The following PPCS variants were observed in gnomAD, a reference collection of about 807,000 sequenced individuals.
PPCS encodes the protein phosphopantothenate--cysteine ligase.
A neutral mutation model predicts 24.6 loss-of-function variants in PPCS; 17 were observed. The observed-to-expected ratio is 0.69, with a 90% CI of 0.47 to 1.04. The LOEUF (loss-of-function observed/expected upper bound fraction) is 1.04. PPCS is among the 50% of genes least tolerant of loss of function. The pLI, the probability that PPCS is intolerant of heterozygous loss-of-function variation, is 0.00. For synonymous variants in PPCS, 190 were observed against 168.3 expected, an observed-to-expected ratio of 1.13 and a Z score of -1.00; for missense variants, 360 against 402.8, an observed-to-expected ratio of 0.89 and a Z score of 0.91.
Position 42,460,779 on chromosome 1 carries a change from ATC to A in PPCS, c.*859_*860del, listed in dbSNP as rs895527755. Among the ~76,000 whole-genome samples the A allele has an allele frequency of 7.9e-5, 12 of 152,346 alleles. No homozygotes were observed. Among genetic ancestry groups the A allele is most frequent in the East Asian group, 3.9e-4 (2 of 5,194 alleles). On this transcript the variant is annotated 3_prime_UTR_variant, in exon 3 of 3. Transcript: ENST00000372561. ...TGTCCACATGCATAAAATGAGGATA[ATC>A]TCTCTGCAAAGTAATGCCATTTATT...
At chr1:42,462,957 G>C (rs950170247), downstream of PPCS, among the ~76,000 whole-genome samples, 1 of 152,220 alleles carries the variant, frequency 6.6e-6, no homozygotes, top group African/African-American at 2.4e-5. Context: ...GAAGGAACTT[G>C]TAGAAAAATA....
chr1:42,472,569 G>A (rs1297864885), intron 2 of PPCS, among the ~76,000 whole-genome samples: 1 of 151,700 alleles, frequency 6.6e-6, no homozygotes, highest in Non-Finnish European at 1.5e-5. Flanking sequence ...AGACTTCTTT[G>A]GACTTTAAAA....
At chr1:42,469,343 T>C (rs1213910700) in intron 2 of PPCS, among the ~76,000 whole-genome samples, 1 of 152,136 alleles carries the variant, frequency 6.6e-6, no homozygotes, top group South Asian at 2.1e-4. Context: ...GGATATGGCA[T>C]TTTGAGTTCA....
At chr1:42,465,370 T>A (rs1643539891), downstream of PPCS, among the ~76,000 whole-genome samples, 1 of 151,698 alleles carries the variant, frequency 6.6e-6, no homozygotes, top group Non-Finnish European at 1.5e-5. Flanking sequence ...TTTGTTTTGT[T>A]TTGTTTTGTT....
At chr1:42,470,167 G>A (rs1643721881) in intron 2 of PPCS, among the ~76,000 whole-genome samples, 1 of 152,192 alleles carries the variant, frequency 6.6e-6, no homozygotes, top group Non-Finnish European at 1.5e-5. Flanking sequence ...GGGCAAACAA[G>A]TGAAGCCAAA....
chr1:42,470,632 AT>A (rs1354182265), intron 2 of PPCS, among the ~76,000 whole-genome samples: 5 of 152,374 alleles, frequency 3.3e-5, no homozygotes, highest in African/African-American at 1.2e-4. Flanking sequence ...TCAATCTTAA[AT>A]GAAATTATGA....
chr1:42,464,578 T>G (rs1237059289), downstream of PPCS, among the ~76,000 whole-genome samples: 2 of 152,190 alleles, frequency 1.3e-5, no homozygotes. Flanking sequence ...AAATAAATAT[T>G]TTTGGCAAGG....
chr1:42,460,416 T>C lies in PPCS; in HGVS notation c.*490T>C. ...CCAAAAGCTGACACAATGGAAAGGA[T>C]GTTTTGTTTTGTTTGAAATTTATCA... is the stretch of plus-strand genomic sequence containing the variant. On this transcript the variant is annotated 3_prime_UTR_variant, in exon 3 of 3. Transcript: ENST00000372561. 1 of 983,250 alleles carries C rather than the reference T, an allele frequency of 1.0e-6. No homozygotes were observed. Among genetic ancestry groups the C allele is most frequent in the Non-Finnish European group, 1.2e-6 (1 of 827,546 alleles). The allele number at this position is 983,250 out of a possible 1,614,324, so 60.9% of individuals were successfully genotyped here.
chr1:42,456,791 G>T lies in PPCS; in HGVS notation c.226G>T (p.Ala76Ser), dbSNP rs1285404338. 6.2e-7 allele frequency: 1 copy of T among 1,613,092 alleles called. No homozygotes were observed. Among genetic ancestry groups the T allele is most frequent in the South Asian group, 1.1e-5 (1 of 91,064 alleles). ...AACCTCGGCCGAGGCCTTCCTAGCC[G>T]CCGGCTACGGGGTCCTGTTCTTGTA... ...GATSAEAFLA[A>S]GYGVLFLYRA... Residue 76 changes from alanine to serine, a missense_variant, in exon 1 of 3, where the codon GCC becomes TCC. By Grantham distance (99) the Ala-to-Ser change is moderately conservative (BLOSUM62 1). Coordinates refer to ENST00000372561, the MANE Select transcript of PPCS (RefSeq NM_024664.4).
intron 2 of PPCS, among the ~76,000 whole-genome samples, chr1:42,458,847 A>T (rs758254702): frequency 6.6e-6 from 1 of 152,230 alleles, no homozygotes; most frequent in Non-Finnish European, 1.5e-5. Context: ...CTCACTGCTA[A>T]GTTGTGTTAC....
In PPCS at chr1:42,460,133, TA is replaced by T; in HGVS notation, c.*209del. 7.6e-7 allele frequency: 1 copy of T among 1,308,036 alleles called. No individual in the cohort carries two copies. Among genetic ancestry groups the T allele is most frequent in the Non-Finnish European group, 9.7e-7 (1 of 1,031,592 alleles). 81.0% of individuals were successfully genotyped at this position (1,308,036 alleles called of 1,614,324 possible). A position where few individuals can be genotyped will look rare whatever the true frequency, so the allele number is the denominator to read the frequency against. ...TTTTGAAATTGAACACTAGAACTGT[TA>T]ATCACCTTTAAAAAGAAGAGCTTAT... On this transcript the variant is annotated 3_prime_UTR_variant, in exon 3 of 3. Coordinates refer to ENST00000372561, the MANE Select transcript of PPCS (RefSeq NM_024664.4).
chr1:42,460,233 T>G lies in PPCS; in HGVS notation c.*307T>G, dbSNP rs1643374032. 1 of 1,059,378 alleles carries G rather than the reference T, an allele frequency of 9.4e-7. No homozygotes were observed. The highest frequency in any genetic ancestry group is 3.7e-5 in the South Asian group (1 of 26,744). The allele number at this position is 1,059,378 out of a possible 1,614,324, so 65.6% of individuals were successfully genotyped here. On this transcript the variant is annotated 3_prime_UTR_variant, in exon 3 of 3. Transcript: ENST00000372561. ...CATCTTTATACTATAGAAAAAGGAT[T>G]ATGGATGCATGAATGGTCATGCTTT...
intron 2 of PPCS, among the ~76,000 whole-genome samples, chr1:42,467,414 A>G (rs965628427): frequency 6.6e-6 from 1 of 152,226 alleles, no homozygotes. Context: ...TTAGAAAATG[A>G]TGAAAGAAGT....
chr1:42,463,478 C>T (rs765404998), downstream of PPCS: 9 of 152,272 alleles, frequency 5.9e-5, no homozygotes, highest in Non-Finnish European at 1.2e-4. Context: ...TTCTGCTTCT[C>T]CCCAGTATGG....
At chr1:42,470,002 C>T (rs1643715422) in intron 2 of PPCS, among the ~76,000 whole-genome samples, 1 of 152,156 alleles carries the variant, frequency 6.6e-6, no homozygotes, top group African/African-American at 2.4e-5. Flanking sequence ...ATTTTGTTCT[C>T]TATCGGCACT....
chr1:42,472,479 T>C (rs1336694610), intron 2 of PPCS, among the ~76,000 whole-genome samples: 1 of 152,092 alleles, frequency 6.6e-6, no homozygotes, highest in Non-Finnish European at 1.5e-5. Context: ...GTAAAATAAA[T>C]CCTGGATAGT....
At chr1:42,462,214 A>AG (rs936122606), downstream of PPCS, among the ~76,000 whole-genome samples, 2 of 152,094 alleles carry the variant, frequency 1.3e-5, no homozygotes. Context: ...TAAAAATTCC[A>AG]GGGGGGTGGG....
chr1:42,466,994 C>G (rs1235931536), intron 2 of PPCS, among the ~76,000 whole-genome samples: 1 of 152,172 alleles, frequency 6.6e-6, no homozygotes, highest in Non-Finnish European at 1.5e-5. Flanking sequence ...AATAAATCCA[C>G]TGGGAAAATG....
At chr1:42,457,138 C>G in intron 1 of PPCS, 65 bp downstream of exon 1, 4 of 1,586,942 alleles carry the variant, frequency 2.5e-6, no homozygotes, top group Non-Finnish European at 3.4e-6. Flanking sequence ...CACTTATCCC[C>G]TTACCTCCTG....
Sources: gnomAD v4.1 joint callset for allele counts (sites outside exome capture counted in the v4.1 genomes callset) on GRCh38, gnomAD v4.1.1 for gene constraint, MANE v1.5 for transcripts, NCBI Gene and HGNC (gene_info 2026-07-23, HGNC 2026-07-21) for gene names.